The following DDX54 variants were observed in gnomAD, a reference collection of about 807,000 sequenced individuals.
The protein encoded by DDX54 is ATP-dependent RNA helicase DDX54.
In DDX54, 67 loss-of-function variants were observed where a neutral mutation model predicts 105.5. The observed-to-expected ratio is 0.64, with a 90% confidence interval of 0.52 to 0.78. The LOEUF (loss-of-function observed/expected upper bound fraction) is 0.78. Among genes scored for constraint, DDX54 ranks in the 30% least tolerant of loss-of-function variants. DDX54 has a pLI of 0.00. For missense variants in DDX54, 1,206 were observed against 1,230.5 expected (o/e 0.98, Z 0.30); for synonymous variants, 514 against 509.9 (o/e 1.01, Z -0.11).
In DDX54 at chr12:113,185,436, C is replaced by G. The variant is rs2290766; in HGVS notation, c.16G>C (p.Gly6Arg). 123,152 of 1,511,242 alleles carry G rather than the reference C, an allele frequency of 0.081. 6,123 individuals carry two copies. The highest frequency in any genetic ancestry group is 0.24 in the East Asian group (9,129 of 37,882). 93.6% of individuals were successfully genotyped at this position (1,511,242 alleles called of 1,614,324 possible). MAADKGPAAGPRSRAA... is the reference protein window; with the variant it reads MAADKRPAAGPRSRAA... ...CGCGACCGAGGTCCAGCCGCCGGGC[C>G]CTTGTCGGCCGCCATTCGGGCCGCG... is the stretch of plus-strand genomic sequence containing the variant. The change falls in exon 1 of 20, where the codon GGC becomes CGC. Residue 6 changes from glycine (G) to arginine (R), a missense_variant. Transcript: ENST00000306014.
intron 12 of DDX54, 130 bp downstream of exon 12, chr12:113,169,636 CAAAT>C: frequency 8.3e-7 from 1 of 1,198,016 alleles, no homozygotes; most frequent in Admixed American, 2.8e-5. Context: ...ATAAACAAAA[CAAAT>C]AAAATACAAT....
Position 113,166,399 on chromosome 12 carries a change from TA to T in DDX54, c.1415-368del, listed in dbSNP as rs58460853. Among the ~76,000 whole-genome samples, 62 of 146,070 alleles carry T rather than the reference TA, an allele frequency of 4.2e-4. 1 individual carries two copies. The South Asian group carries it at 8.5e-3, about 20-fold the overall frequency. On this transcript the variant is annotated intron_variant, in intron 12 of 19. Coordinates refer to ENST00000306014, the MANE Select transcript of DDX54 (RefSeq NM_024072.4). ...GCCTAGAATATGTACTATCCGGCTC[TA>T]AAAAAAAAAAACTTTGTTGGCCGGG...
Position 113,177,111 on chromosome 12 carries a change from G to T in DDX54, c.615-18C>A. The T allele has an allele frequency of 6.2e-7, 1 of 1,613,532 alleles. No homozygotes were observed. The highest frequency in any genetic ancestry group is 8.5e-7 in the Non-Finnish European group (1 of 1,179,686). The stretch of plus-strand genomic sequence containing the variant: ...CTTCCATCCTAGAGAGGAGAGAAGG[G>T]GTTAGCTTGATAGAACAGGTCTCTT... On this transcript the variant is annotated intron_variant, in intron 5 of 19. Transcript: ENST00000306014.
In DDX54 at chr12:113,157,620, G is replaced by T; in HGVS notation, c.*1257C>A. The stretch of plus-strand genomic sequence containing the variant: ...CCCCCAGGTGAAGCTGTTCATGCAG[G>T]ACCTCTCTGCCATGCTGGCCGGCCT... On this transcript the variant is annotated 3_prime_UTR_variant, in exon 20 of 20. Coordinates refer to ENST00000306014, the MANE Select transcript of DDX54 (RefSeq NM_024072.4). 6.4e-7 allele frequency: 1 copy of T among 1,551,694 alleles called. No individual in the cohort carries two copies. Among genetic ancestry groups the T allele is most frequent in the Non-Finnish European group, 8.7e-7 (1 of 1,147,000 alleles).
At chr12:113,159,703 G>C (rs1952181680) in intron 19 of DDX54, among the ~76,000 whole-genome samples, 1 of 151,996 alleles carries the variant, frequency 6.6e-6, no homozygotes, top group African/African-American at 2.4e-5. Context: ...AGGCCAGAGA[G>C]GGAGAGGGAC....
At chr12:113,177,344 T>C in intron 5 of DDX54, 1 of 469,638 alleles carries the variant, frequency 2.1e-6, no homozygotes, top group Non-Finnish European at 3.8e-6. Context: ...AGACCTCAAT[T>C]CACTCCTTCT....
chr12:113,182,923 G>C (rs190472295), intron 1 of DDX54, among the ~76,000 whole-genome samples: 3 of 150,280 alleles, frequency 2.0e-5, no homozygotes, highest in African/African-American at 7.4e-5. Context: ...TCCCAGGCTG[G>C]AGTGCAGTGG....
At chr12:113,172,114 A>C (rs1952346783) in intron 11 of DDX54, among the ~76,000 whole-genome samples, 1 of 151,926 alleles carries the variant, frequency 6.6e-6, no homozygotes, top group South Asian at 2.1e-4. Flanking sequence ...AAGCTGAATA[A>C]TTGGGTTGTT....
At position 113,157,835 on chromosome 12, in the gene DDX54, C is replaced by T; in HGVS notation, c.*1042G>A. 1 of 663,610 alleles carries T rather than the reference C, an allele frequency of 1.5e-6. No individual in the cohort carries two copies. Among genetic ancestry groups the T allele is most frequent in the South Asian group, 1.8e-5 (1 of 56,326 alleles). 41.1% of individuals were successfully genotyped at this position (663,610 alleles called of 1,614,324 possible). A position where few individuals can be genotyped will look rare whatever the true frequency, so the allele number is the denominator to read the frequency against. ...CTGTGCCTGTTCAGAGTGCTGTGGG[C>T]CTGCCATGAGGGGCACATAGCAAGC... On this transcript the variant is annotated 3_prime_UTR_variant, in exon 20 of 20. Coordinates refer to ENST00000306014, the MANE Select transcript of DDX54 (RefSeq NM_024072.4).
Position 113,158,112 on chromosome 12 carries a change from T to C in DDX54, c.*765A>G, listed in dbSNP as rs2136309927. On this transcript the variant is annotated 3_prime_UTR_variant, in exon 20 of 20. Transcript: ENST00000306014. The surrounding 1 kb of genome is among the most constrained non-coding windows in gnomAD (Gnocchi z 4.9). ...CCAGCTGCTGGGGCTGCCCTTGACC[T>C]TCTCAGAACCTCAAACAGGGGGTGG... The C allele has an allele frequency of 5.6e-6, 1 of 177,508 alleles. No homozygotes were observed. The highest frequency in any genetic ancestry group is 1.5e-4 in the East Asian group (1 of 6,842). 11.0% of individuals were successfully genotyped at this position (177,508 alleles called of 1,614,324 possible).
chr12:113,160,514 G>A (rs956089734), intron 19 of DDX54, among the ~76,000 whole-genome samples: 6 of 152,180 alleles, frequency 3.9e-5, no homozygotes, highest in Non-Finnish European at 8.8e-5. Context: ...CCCAGCAAGC[G>A]GGAGCCCCTC....
At chr12:113,184,602 A>T (rs1199015424) in intron 1 of DDX54, among the ~76,000 whole-genome samples, 2 of 152,042 alleles carry the variant, frequency 1.3e-5, no homozygotes, top group Non-Finnish European at 2.9e-5. Flanking sequence ...AAGTGGGAGG[A>T]CTGCTTGAGG....
chr12:113,180,707 G>C (rs959095246), intron 2 of DDX54, among the ~76,000 whole-genome samples: 7 of 152,100 alleles, frequency 4.6e-5, no homozygotes, highest in Non-Finnish European at 8.8e-5. Context: ...GCCTGTTCCT[G>C]CATCTGCATT....
Position 113,185,469 on chromosome 12 carries a change from A to G in DDX54, c.-18T>C, listed in dbSNP as rs533102783. The stretch of plus-strand genomic sequence containing the variant: ...GCCGCCATTCGGGCCGCGCGCTGGG[A>G]ACGCAGAAGGGGGCGTGGCCTGAGG... On this transcript the variant is annotated 5_prime_UTR_variant, in exon 1 of 20. Transcript: ENST00000306014. 13 of 1,487,378 alleles carry G rather than the reference A, an allele frequency of 8.7e-6. No homozygotes were observed. The highest frequency in any genetic ancestry group is 7.7e-5 in the South Asian group (6 of 78,222). The allele number at this position is 1,487,378 out of a possible 1,614,324, so 92.1% of individuals were successfully genotyped here. A position where few individuals can be genotyped will look rare whatever the true frequency, so the allele number is the denominator to read the frequency against.
intron 1 of DDX54, among the ~76,000 whole-genome samples, chr12:113,182,876 CTTT>C (rs879610774): frequency 3.0e-5 from 4 of 134,614 alleles, no homozygotes; most frequent in Admixed American, 7.5e-5. Flanking sequence ...CTTTTCAACA[CTTT>C]TTTTTTTTTT....
chr12:113,159,336 T>G, intron 19 of DDX54: 1 of 530,886 alleles, frequency 1.9e-6, no homozygotes, highest in Non-Finnish European at 3.3e-6. Flanking sequence ...CTGTGACCTC[T>G]TGGACCGTGG....
intron 10 of DDX54, among the ~76,000 whole-genome samples, chr12:113,173,284 G>C (rs1952360046): frequency 6.6e-6 from 1 of 152,228 alleles, no homozygotes; most frequent in Non-Finnish European, 1.5e-5. Flanking sequence ...TTGAGCCCAG[G>C]AGGCAGAGGT....
At position 113,158,762 on chromosome 12, in the gene DDX54, T is replaced by A; in HGVS notation, c.*115A>T. Reference sequence around the variant, plus strand: ...GCTCCTTTTCACAGATGATGGCTCCTGCAGGGAGTGCCCCCAGTGCCCAGC... The same window carrying A: ...GCTCCTTTTCACAGATGATGGCTCCAGCAGGGAGTGCCCCCAGTGCCCAGC... On this transcript the variant is annotated 3_prime_UTR_variant, in exon 20 of 20. Coordinates refer to ENST00000306014, the MANE Select transcript of DDX54 (RefSeq NM_024072.4). This position sits in a 1 kb window ranked among gnomAD's most constrained non-coding sequence, Gnocchi z 4.9. 8.5e-7 allele frequency: 1 copy of A among 1,183,218 alleles called. No homozygotes were observed. 73.3% of individuals were successfully genotyped at this position (1,183,218 alleles called of 1,614,324 possible).
chr12:113,166,078 G>T lies in DDX54; in HGVS notation c.1415-46C>A, dbSNP rs200298185. 1.3e-4 allele frequency: 206 copies of T among 1,562,204 alleles called. 4 individuals carry two copies. In the South Asian group the frequency reaches 2.3e-3, roughly 17 times the overall value. On this transcript the variant is annotated intron_variant, in intron 12 of 19. Transcript: ENST00000306014. ...TGTCAGAGGTCTTTCAGCCTGGCCC[G>T]CCTGTCCACTGCCCGACCACCACTC... is the stretch of plus-strand genomic sequence containing the variant.
Sources: gnomAD v4.1 joint callset for allele counts (sites outside exome capture counted in the v4.1 genomes callset) on GRCh38, gnomAD v4.1.1 for gene constraint, Gnocchi (gnomAD v3.1) non-coding constraint, MANE v1.5 for transcripts, NCBI Gene and HGNC (gene_info 2026-07-23, HGNC 2026-07-21) for gene names.